Variants in PPP1R12B observed in about 807,000 individuals in gnomAD.
The protein encoded by PPP1R12B is myosin phosphatase target subunit 2.
Under a neutral mutation model 126.1 loss-of-function variants are expected in PPP1R12B, and 76 were observed. The observed-to-expected ratio is 0.60, with a 90% CI of 0.50 to 0.73. The LOEUF is 0.73. PPP1R12B is among the 30% of genes least tolerant of loss of function. The probability of loss-of-function intolerance (pLI) is 0.00; values close to 1 mark genes in which losing one functional copy is unlikely to be tolerated. For missense variants in PPP1R12B, 1,052 were observed against 1,205.1 expected (o/e 0.87, Z 1.88); for synonymous variants, 356 against 434.7 (o/e 0.82, Z 2.25).
At position 202,586,702 on chromosome 1, in the gene PPP1R12B, CTCCTT is replaced by C. The variant is rs1281191539; in HGVS notation, c.*6144_*6148del. 2 of 152,254 alleles carry C rather than the reference CTCCTT, an allele frequency of 1.3e-5. No homozygotes were observed. The highest frequency in any genetic ancestry group is 6.5e-5 in the Admixed American group (1 of 15,288). The allele number at this position is 152,254 out of a possible 1,614,324, so 9.4% of individuals were successfully genotyped here. On this transcript the variant is annotated 3_prime_UTR_variant, in exon 24 of 24. Coordinates refer to ENST00000608999, the MANE Select transcript of PPP1R12B (RefSeq NM_002481.4). ...TGCATGGTGAAAGATGCATTCACTTCTCCTTTGAGAGTTGGGGTTGAGGGCAAACA... is the reference window on the plus strand; with the variant it reads ...TGCATGGTGAAAGATGCATTCACTTCTGAGAGTTGGGGTTGAGGGCAAACA...
chr1:202,431,673 T>A (rs1670201108), intron 8 of PPP1R12B, 54 bp downstream of exon 8: 6 of 1,515,008 alleles, frequency 4.0e-6, no homozygotes, highest in Admixed American at 2.2e-5. Context: ...TGTAAGAAGA[T>A]TACTCCTTGT....
chr1:202,352,713 C>T (rs1267895306), intron 1 of PPP1R12B, among the ~76,000 whole-genome samples: 1 of 152,042 alleles, frequency 6.6e-6, no homozygotes, highest in Non-Finnish European at 1.5e-5. Context: ...ATTGCAAAAT[C>T]CCGTCTCTAC....
chr1:202,421,510 C>T (rs1668772975), intron 2 of PPP1R12B, among the ~76,000 whole-genome samples: 1 of 151,800 alleles, frequency 6.6e-6, no homozygotes, highest in Non-Finnish European at 1.5e-5. Flanking sequence ...CGTGGTGTCA[C>T]ATTCCTGTAA....
chr1:202,387,332 T>G lies in PPP1R12B; in HGVS notation c.292-29455T>G, dbSNP rs551003111. Among the ~76,000 whole-genome samples the G allele has an allele frequency of 2.0e-5, 3 of 152,316 alleles. No homozygotes were observed. The East Asian group carries it at 5.8e-4, about 29-fold the overall frequency. On this transcript the variant is annotated intron_variant, in intron 1 of 23. Coordinates refer to ENST00000608999, the MANE Select transcript of PPP1R12B (RefSeq NM_002481.4). ...GAAGGTTTCATTGAGTTCTAAAATT[T>G]CAGAGCAAGAAAGGTGAAACTTAGT...
chr1:202,541,046 C>T (rs148295299), intron 18 of PPP1R12B, among the ~76,000 whole-genome samples: 470 of 152,246 alleles, frequency 3.1e-3, no homozygotes, highest in Middle Eastern at 6.8e-3. Context: ...GAACTGCTAC[C>T]AATAGCAAGG....
At chr1:202,466,787 A>T (rs1397239213) in intron 13 of PPP1R12B, among the ~76,000 whole-genome samples, 1 of 152,186 alleles carries the variant, frequency 6.6e-6, no homozygotes, top group African/African-American at 2.4e-5. Context: ...CCTCTTTAGA[A>T]AGAGGGAATA....
chr1:202,559,427 G>T (rs1687296491), intron 19 of PPP1R12B, among the ~76,000 whole-genome samples: 1 of 152,138 alleles, frequency 6.6e-6, no homozygotes, highest in Non-Finnish European at 1.5e-5. Flanking sequence ...GTAGTTTGTT[G>T]AATGAACAAA....
intron 13 of PPP1R12B, among the ~76,000 whole-genome samples, chr1:202,449,989 G>C (rs36078838): frequency 3.3e-5 from 5 of 152,128 alleles, no homozygotes; most frequent in Admixed American, 1.3e-4. Flanking sequence ...CCCGGCTGTC[G>C]TTATGGATTT....
intron 1 of PPP1R12B, among the ~76,000 whole-genome samples, chr1:202,390,152 T>C (rs1232968697): frequency 2.0e-5 from 3 of 152,278 alleles, no homozygotes; most frequent in South Asian, 4.1e-4. Context: ...TCAACTGATA[T>C]ATGACAAAGG....
rs34583269 is a variant in PPP1R12B, at chr1:202,369,800, C to CT, written c.291+20671dup. The CT allele has an allele frequency of 3.9e-3, 580 of 149,092 alleles. 4 individuals carry two copies. Among genetic ancestry groups the CT allele is most frequent in the Non-Finnish European group, 5.8e-3 (392 of 67,736 alleles). 9.2% of individuals were successfully genotyped at this position (149,092 alleles called of 1,614,324 possible). On this transcript the variant is annotated intron_variant, in intron 1 of 23. Coordinates refer to ENST00000608999, the MANE Select transcript of PPP1R12B (RefSeq NM_002481.4). ...TTACCATGGTGTGGCATTGGGCACA[C>CT]TTTTTTTTTTTTTAAGACAAGTTCT...
chr1:202,474,298 T>C (rs1676343480), intron 13 of PPP1R12B, among the ~76,000 whole-genome samples: 1 of 152,138 alleles, frequency 6.6e-6, no homozygotes, highest in Non-Finnish European at 1.5e-5. Context: ...GCATTTTTTT[T>C]TTTTTTGAGA....
At position 202,349,001 on chromosome 1, in the gene PPP1R12B, G is replaced by A. The variant is rs755331980; in HGVS notation, c.150G>A (p.Gly50=). The A allele has an allele frequency of 5.6e-6, 9 of 1,607,880 alleles. No individual in the cohort carries two copies. Among genetic ancestry groups the A allele is most frequent in the Non-Finnish European group, 5.1e-6 (6 of 1,177,600 alleles). The change falls in exon 1 of 24, where the codon GGG becomes GGA. Residue 50 remains glycine (G), a synonymous_variant. Coordinates refer to ENST00000608999, the MANE Select transcript of PPP1R12B (RefSeq NM_002481.4). ...GGCGGCAGCCGCTGACCAGGCGCGG[G>A]AGCCCCAGGGTCCGCTTCGAGGACG... ...GAGRQPLTRR[G]SPRVRFEDGA... is the part of the protein sequence containing the mutation.
chr1:202,520,939 G>T (rs1270320646), intron 18 of PPP1R12B, among the ~76,000 whole-genome samples: 9 of 152,116 alleles, frequency 5.9e-5, no homozygotes, highest in Non-Finnish European at 1.3e-4. Context: ...GGGCAATTGG[G>T]ACCAGGTTTT....
intron 13 of PPP1R12B, among the ~76,000 whole-genome samples, chr1:202,467,995 T>C (rs1428580745): frequency 1.3e-5 from 2 of 152,260 alleles, no homozygotes; most frequent in Non-Finnish European, 2.9e-5. Context: ...CATTTTTTCA[T>C]GTGTTTTTTG....
intron 1 of PPP1R12B, among the ~76,000 whole-genome samples, chr1:202,416,316 C>T (rs1158140604): frequency 6.6e-6 from 1 of 151,936 alleles, no homozygotes; most frequent in South Asian, 2.1e-4. Context: ...GACCTGAGGT[C>T]GGGAGTTCGA....
intron 13 of PPP1R12B, among the ~76,000 whole-genome samples, chr1:202,461,031 C>T (rs146442051): frequency 6.6e-6 from 1 of 151,906 alleles, no homozygotes; most frequent in Non-Finnish European, 1.5e-5. Flanking sequence ...AATGGCTAGA[C>T]TTAGTGGGAA....
intron 12 of PPP1R12B, among the ~76,000 whole-genome samples, chr1:202,444,215 G>A (rs1292742884): frequency 8.5e-5 from 13 of 152,092 alleles, no homozygotes; most frequent in Admixed American, 8.5e-4. Context: ...CTTGTGTATA[G>A]GCAGAAATTC....
intron 14 of PPP1R12B, among the ~76,000 whole-genome samples, chr1:202,488,830 G>C: frequency 6.6e-6 from 1 of 152,144 alleles, no homozygotes; most frequent in East Asian, 1.9e-4. Flanking sequence ...CCTGACTTGA[G>C]GTCAGGAGTT....
At chr1:202,528,876 G>A (rs1181128148) in intron 18 of PPP1R12B, among the ~76,000 whole-genome samples, 2 of 151,964 alleles carry the variant, frequency 1.3e-5, no homozygotes, top group African/African-American at 4.8e-5. Flanking sequence ...TAGGCATAGG[G>A]AAAAACTTTT....
Sources: allele counts gnomAD v4.1 joint callset (sites outside exome capture counted in the v4.1 genomes callset), GRCh38; gene constraint gnomAD v4.1.1; transcripts MANE v1.5; gene names NCBI Gene and HGNC (gene_info 2026-07-23, HGNC 2026-07-21).